The following MGAT4C variants were observed in gnomAD, a reference collection of about 807,000 sequenced individuals.
MGAT4C encodes alpha-1,3-mannosyl-glycoprotein 4-beta-N-acetylglucosaminyltransferase C.
In MGAT4C, 19 loss-of-function variants were observed where a neutral mutation model predicts 40.1. The observed-to-expected ratio is 0.47, with a 90% confidence interval of 0.33 to 0.70. MGAT4C has a LOEUF of 0.70. MGAT4C is among the 30% of genes least tolerant of loss of function. The pLI is 0.02. For synonymous variants in MGAT4C, 181 were observed against 187.1 expected (o/e 0.97, Z 0.27); for missense variants, 491 against 563.2 (o/e 0.87, Z 1.30).
intron 2 of MGAT4C, among the ~76,000 whole-genome samples, chr12:86,459,146 G>A (rs1271024289): frequency 1.3e-5 from 2 of 152,030 alleles, no homozygotes; most frequent in Non-Finnish European, 2.9e-5. Context: ...TTCAAAAGAC[G>A]AGATAAAGTT....
At chr12:86,274,983 G>A (rs887172133) in intron 4 of MGAT4C, among the ~76,000 whole-genome samples, 7 of 152,156 alleles carry the variant, frequency 4.6e-5, no homozygotes, top group Non-Finnish European at 7.3e-5. Context: ...ATACGGTAAG[G>A]GGCCCACAGA....
Position 86,764,278 on chromosome 12 carries a change from G to C in MGAT4C, c.-261-37037C>G, listed in dbSNP as rs540521884. Among the ~76,000 whole-genome samples, 466 of 152,216 alleles carry C rather than the reference G, an allele frequency of 3.1e-3. 3 individuals carry two copies. The highest frequency in any genetic ancestry group is 0.014 in the Middle Eastern group (4 of 294). On this transcript the variant is annotated intron_variant, in intron 1 of 7. Coordinates refer to the MGAT4C transcript ENST00000548651. The stretch of plus-strand genomic sequence containing the variant: ...GCTGATTGCTAGCACAGCAGTCTGA[G>C]ATCAAACTGCAAGGCGGCAGCGAGG...
rs1284296461 is a variant in MGAT4C, at chr12:85,960,763, C to A, written c.*18526G>T. On this transcript the variant is annotated 3_prime_UTR_variant, in exon 5 of 5. Coordinates refer to ENST00000611864, the MANE Select transcript of MGAT4C (RefSeq NM_001351288.2). ...TGGATATAACGTGAATGGGCCCATA[C>A]CATAAACTCCTATTAAGCTGAATCA... 1 of 151,694 alleles carries A rather than the reference C, an allele frequency of 6.6e-6. No individual in the cohort carries two copies. The highest frequency in any genetic ancestry group is 1.5e-5 in the Non-Finnish European group (1 of 67,804). The allele number at this position is 151,694 out of a possible 1,614,324, so 9.4% of individuals were successfully genotyped here. A position where few individuals can be genotyped will look rare whatever the true frequency, so the allele number is the denominator to read the frequency against.
intron 1 of MGAT4C, among the ~76,000 whole-genome samples, chr12:86,806,871 G>A (rs1431121023): frequency 1.3e-5 from 2 of 151,710 alleles, no homozygotes; most frequent in African/African-American, 4.9e-5. Flanking sequence ...TGGGGGTAGC[G>A]GGGGAGGGAT....
intron 1 of MGAT4C, among the ~76,000 whole-genome samples, chr12:86,181,506 C>A (rs892206509): frequency 1.3e-5 from 2 of 152,050 alleles, no homozygotes; most frequent in African/African-American, 4.8e-5. Context: ...TTATAGTAAT[C>A]AATATTACAA....
rs1193640693 is a variant in MGAT4C at position 86,667,299 on chromosome 12, GAC to G, written c.-229+59908_-229+59909del. 1.1e-4 allele frequency among the ~76,000 whole-genome samples: 17 copies of G among 152,290 alleles called. No individual in the cohort carries two copies. In the East Asian group the frequency reaches 3.1e-3, roughly 28 times the overall value. Reference sequence around the variant, plus strand: ...TTTGGAACATGCTTGTCACCTAGCAGACACATGCTAGATTAGGCAGAATTCAC... The same window carrying G: ...TTTGGAACATGCTTGTCACCTAGCAGACATGCTAGATTAGGCAGAATTCAC... On this transcript the variant is annotated intron_variant, in intron 2 of 7. Transcript: ENST00000548651.
At position 86,369,629 on chromosome 12, in the gene MGAT4C, T is replaced by C. The variant is rs75418455; in HGVS notation, c.-119-35502A>G. Among the ~76,000 whole-genome samples the C allele has an allele frequency of 3.7e-3, 560 of 152,170 alleles. 2 individuals carry two copies. The highest frequency in any genetic ancestry group is 6.1e-3 in the Admixed American group (93 of 15,288). On this transcript the variant is annotated intron_variant, in intron 3 of 7. Transcript: ENST00000548651. ...ACTTTTACTTTCTCCACATACACTA[T>C]GCTATTGAGGTCAGAATTTATTTTT...
chr12:86,219,913 G>A (rs1950817848), intron 1 of MGAT4C, among the ~76,000 whole-genome samples: 1 of 152,080 alleles, frequency 6.6e-6, no homozygotes, highest in African/African-American at 2.4e-5. Context: ...ATATGCTAAT[G>A]TATGTTTTTG....
intron 2 of MGAT4C, among the ~76,000 whole-genome samples, chr12:86,488,177 A>C (rs1958058316): frequency 6.6e-6 from 1 of 151,876 alleles, no homozygotes; most frequent in Non-Finnish European, 1.5e-5. Flanking sequence ...GTGGACCTAC[A>C]ACATAGTGAA....
At chr12:86,790,646 A>G (rs1479091470) in intron 1 of MGAT4C, among the ~76,000 whole-genome samples, 1 of 152,142 alleles carries the variant, frequency 6.6e-6, no homozygotes, top group Non-Finnish European at 1.5e-5. Context: ...CATTATTGCT[A>G]AGCTACAGAA....
chr12:86,246,274 C>T (rs1049319114), intron 1 of MGAT4C, among the ~76,000 whole-genome samples: 1 of 149,566 alleles, frequency 6.7e-6, no homozygotes, highest in African/African-American at 2.5e-5. Context: ...CAAGCTCCGC[C>T]TCCTGGGTTC....
At chr12:86,554,261 C>G (rs1263971519) in intron 2 of MGAT4C, among the ~76,000 whole-genome samples, 1 of 152,060 alleles carries the variant, frequency 6.6e-6, no homozygotes, top group African/African-American at 2.4e-5. Flanking sequence ...TTTAGTTCAC[C>G]ACTTGACCCA....
intron 2 of MGAT4C, among the ~76,000 whole-genome samples, chr12:86,497,022 A>G (rs1353813628): frequency 6.6e-6 from 1 of 152,068 alleles, no homozygotes; most frequent in Non-Finnish European, 1.5e-5. Context: ...TTAAAGGTAA[A>G]AAGACATTAA....
intron 4 of MGAT4C, among the ~76,000 whole-genome samples, chr12:86,313,322 G>A (rs1462974079): frequency 6.6e-6 from 1 of 152,056 alleles, no homozygotes; most frequent in African/African-American, 2.4e-5. Flanking sequence ...CACAATGCAG[G>A]TAAGAGATAT....
intron 2 of MGAT4C, among the ~76,000 whole-genome samples, chr12:85,998,026 T>C (rs554588421): frequency 2.0e-5 from 3 of 152,218 alleles, no homozygotes; most frequent in African/African-American, 4.8e-5. Context: ...TATCTGGATA[T>C]CCAGGTGTTT....
chr12:86,084,483 A>G (rs552702110), intron 1 of MGAT4C, among the ~76,000 whole-genome samples: 8 of 152,086 alleles, frequency 5.3e-5, no homozygotes, highest in African/African-American at 1.7e-4. Context: ...GTTTCAAGAG[A>G]TTCACTTAAT....
At chr12:86,802,458 A>G (rs1054671804) in intron 1 of MGAT4C, among the ~76,000 whole-genome samples, 1 of 152,012 alleles carries the variant, frequency 6.6e-6, no homozygotes, top group African/African-American at 2.4e-5. Flanking sequence ...TCATTAATTT[A>G]TTCACTAATT....
chr12:86,148,809 A>C (rs1883891758), intron 1 of MGAT4C, among the ~76,000 whole-genome samples: 1 of 152,200 alleles, frequency 6.6e-6, no homozygotes, highest in Admixed American at 6.5e-5. Flanking sequence ...GCATCTGAGG[A>C]ATGATGAAAC....
At chr12:86,380,254 G>C (rs1955903692) in intron 3 of MGAT4C, among the ~76,000 whole-genome samples, 1 of 152,038 alleles carries the variant, frequency 6.6e-6, no homozygotes, top group South Asian at 2.1e-4. Flanking sequence ...GCTTCACACT[G>C]ACATTAAAAA....
Sources: gnomAD v4.1 joint callset for allele counts (sites outside exome capture counted in the v4.1 genomes callset) on GRCh38, gnomAD v4.1.1 for gene constraint, MANE v1.5 for transcripts, NCBI Gene and HGNC (gene_info 2026-07-23, HGNC 2026-07-21) for gene names.